The following TBCE variants were observed in gnomAD, a reference collection of about 807,000 sequenced individuals.
TBCE encodes the protein tubulin-specific chaperone E.
A neutral mutation model predicts 77.0 loss-of-function variants in TBCE; 53 were observed. The observed-to-expected ratio is 0.69, with a 90% CI of 0.55 to 0.87. The LOEUF (loss-of-function observed/expected upper bound fraction) is 0.87, where lower values mean the gene tolerates loss of function less well. TBCE is among the 40% of genes least tolerant of loss of function. The probability of loss-of-function intolerance (pLI) is 0.00; values close to 1 mark genes in which losing one functional copy is unlikely to be tolerated. For synonymous variants in TBCE, 235 were observed against 241.3 expected (o/e 0.97, Z 0.24); for missense variants, 624 against 622.4 (o/e 1.00, Z -0.03).
chr1:235,374,565 A>G (rs1038770433), intron 1 of TBCE, among the ~76,000 whole-genome samples: 1 of 145,460 alleles, frequency 6.9e-6, no homozygotes, highest in Non-Finnish European at 1.5e-5. Context: ...CAGTGGTGCA[A>G]TCTGGGCTCA....
At chr1:235,376,216 A>G (rs1677288367) in intron 1 of TBCE, among the ~76,000 whole-genome samples, 1 of 152,160 alleles carries the variant, frequency 6.6e-6, no homozygotes, top group Non-Finnish European at 1.5e-5. Context: ...GAAGGAATTC[A>G]TGAGTTACCT....
At chr1:235,435,299 C>A (rs1681373007) in intron 8 of TBCE, among the ~76,000 whole-genome samples, 1 of 152,146 alleles carries the variant, frequency 6.6e-6, no homozygotes, top group African/African-American at 2.4e-5. Context: ...CGGGGTTTCA[C>A]CATGTTGGCC....
At position 235,449,006 on chromosome 1, in the gene TBCE, T is replaced by G. The variant is rs1682706174; in HGVS notation, c.*244T>G. ...CTTATTTCATATTTATTTTTACAGC[T>G]CATCACTGCATTTCATGATAAGATT... On this transcript the variant is annotated 3_prime_UTR_variant, in exon 17 of 17. Coordinates refer to ENST00000642610, the MANE Select transcript of TBCE (RefSeq NM_003193.5). 2.4e-6 allele frequency: 1 copy of G among 409,978 alleles called. No individual in the cohort carries two copies. The highest frequency in any genetic ancestry group is 4.6e-6 in the Non-Finnish European group (1 of 219,630). The allele number at this position is 409,978 out of a possible 1,614,324, so 25.4% of individuals were successfully genotyped here.
At chr1:235,411,784 A>T (rs1679794903) in intron 3 of TBCE, among the ~76,000 whole-genome samples, 1 of 152,024 alleles carries the variant, frequency 6.6e-6, no homozygotes, top group Non-Finnish European at 1.5e-5. Flanking sequence ...GCTTCCCCCT[A>T]TTCCACTGAA....
intron 2 of TBCE, among the ~76,000 whole-genome samples, chr1:235,387,553 C>T (rs1678097481): frequency 6.6e-6 from 1 of 152,206 alleles, no homozygotes; most frequent in African/African-American, 2.4e-5. Flanking sequence ...TGATCTCAGA[C>T]TGCTGTGCTA....
intron 2 of TBCE, among the ~76,000 whole-genome samples, chr1:235,393,290 G>A (rs1490851395): frequency 6.6e-6 from 1 of 152,216 alleles, no homozygotes; most frequent in Non-Finnish European, 1.5e-5. Flanking sequence ...TGTAATCCCA[G>A]CACTTTGGGA....
intron 2 of TBCE, among the ~76,000 whole-genome samples, chr1:235,387,136 C>T (rs1003974782): frequency 6.6e-6 from 1 of 152,216 alleles, no homozygotes; most frequent in African/African-American, 2.4e-5. Flanking sequence ...GCGAATGCTG[C>T]TGTCTGATCG....
At chr1:235,416,639 T>C (rs966518644) in intron 4 of TBCE, among the ~76,000 whole-genome samples, 5 of 152,232 alleles carry the variant, frequency 3.3e-5, no homozygotes, top group African/African-American at 1.2e-4. Context: ...AAATTGCAAA[T>C]GGATTTTCGT....
intron 13 of TBCE, chr1:235,441,336 G>GC (rs1355865650): frequency 4.6e-6 from 1 of 216,802 alleles, no homozygotes; most frequent in Non-Finnish European, 9.2e-6. Context: ...GCCTGGCACT[G>GC]CACGGTCTGG....
intron 2 of TBCE, among the ~76,000 whole-genome samples, chr1:235,385,401 A>G (rs980101352): frequency 8.6e-5 from 13 of 152,046 alleles, no homozygotes; most frequent in African/African-American, 3.1e-4. Context: ...TGATCTGTCT[A>G]ATGTTGACAG....
chr1:235,433,183 G>A lies in TBCE; in HGVS notation c.661-1021G>A, dbSNP rs576963284. On this transcript the variant is annotated intron_variant, in intron 7 of 16. Transcript: ENST00000642610. ...TGTTTGCAGGATGGGTGAGTCAGAT[G>A]ATTCCATTCTCTAATTGGCCATGGC... 13 of 1,318,120 alleles carry A rather than the reference G, an allele frequency of 9.9e-6. No individual in the cohort carries two copies. The East Asian group carries it at 2.8e-4, about 28-fold the overall frequency. The allele number at this position is 1,318,120 out of a possible 1,614,324, so 81.7% of individuals were successfully genotyped here. A position where few individuals can be genotyped will look rare whatever the true frequency, so the allele number is the denominator to read the frequency against.
intron 15 of TBCE, among the ~76,000 whole-genome samples, chr1:235,445,419 A>C (rs1682184050): frequency 6.6e-6 from 1 of 152,228 alleles, no homozygotes; most frequent in Non-Finnish European, 1.5e-5. Context: ...GCTTGAGCCC[A>C]GGAGTTCGAG....
chr1:235,436,317 G>A (rs1681446398), intron 9 of TBCE, 69 bp from the exon 10 acceptor site: 9 of 1,479,310 alleles, frequency 6.1e-6, no homozygotes, highest in East Asian at 2.3e-5. Context: ...TTTACAAACC[G>A]AGTCTGGTTG....
intron 5 of TBCE, among the ~76,000 whole-genome samples, chr1:235,420,481 A>AC (rs1553337121): frequency 9.3e-6 from 1 of 107,106 alleles, no homozygotes; most frequent in Admixed American, 1.1e-4. Context: ...TGTCTGGCTA[A>AC]TTTTTTTTTT....
intron 2 of TBCE, among the ~76,000 whole-genome samples, chr1:235,386,025 C>A (rs1199166343): frequency 6.6e-6 from 1 of 152,130 alleles, no homozygotes; most frequent in Non-Finnish European, 1.5e-5. Flanking sequence ...GTGACAAAAT[C>A]TCTCAGTATT....
chr1:235,402,672 T>C (rs987947641), intron 3 of TBCE, among the ~76,000 whole-genome samples: 1 of 152,124 alleles, frequency 6.6e-6, no homozygotes, highest in African/African-American at 2.4e-5. Flanking sequence ...TCGCCTAGAC[T>C]GGAATGCAGT....
rs555171178 is a variant in TBCE, at chr1:235,379,941, G to A, written c.-31-78G>A. On this transcript the variant is annotated intron_variant, in intron 1 of 16. Coordinates refer to ENST00000642610, the MANE Select transcript of TBCE (RefSeq NM_003193.5). ...CCAGCCTGGGCGACAGAGCAAGACTGTGCCTCAAAAAAAAAAAAAAAAATT... is the reference window on the plus strand; with the variant it reads ...CCAGCCTGGGCGACAGAGCAAGACTATGCCTCAAAAAAAAAAAAAAAAATT... The A allele has an allele frequency of 2.5e-5, 20 of 797,598 alleles. No homozygotes were observed. The South Asian group carries it at 3.0e-4, about 12-fold the overall frequency. 49.4% of individuals were successfully genotyped at this position (797,598 alleles called of 1,614,324 possible). A position where few individuals can be genotyped will look rare whatever the true frequency, so the allele number is the denominator to read the frequency against.
intron 6 of TBCE, among the ~76,000 whole-genome samples, chr1:235,428,401 A>C (rs969406572): frequency 6.6e-6 from 1 of 151,918 alleles, no homozygotes; most frequent in Non-Finnish European, 1.5e-5. Context: ...CCTCTCTCTT[A>C]CTAGAGAGAG....
chr1:235,446,224 A>G lies in TBCE; in HGVS notation c.1400-2125A>G, dbSNP rs188657232. On this transcript the variant is annotated intron_variant, in intron 15 of 16. Transcript: ENST00000642610. ...GGAGTCTCATTCTGTCACCCAGGCT[A>G]GAGTGCAGTGGCATGATCTCGGCTC... Among the ~76,000 whole-genome samples the G allele has an allele frequency of 3.2e-4, 49 of 152,020 alleles. No homozygotes were observed. In the East Asian group the frequency reaches 6.4e-3, roughly 20 times the overall value.
Sources: allele counts gnomAD v4.1 joint callset (sites outside exome capture counted in the v4.1 genomes callset), GRCh38; gene constraint gnomAD v4.1.1; transcripts MANE v1.5; gene names NCBI Gene and HGNC (gene_info 2026-07-23, HGNC 2026-07-21).